The following ALK variants were observed in gnomAD, a reference collection of about 807,000 sequenced individuals.
ALK encodes ALK receptor tyrosine kinase.
A neutral mutation model predicts 163.1 loss-of-function variants in ALK; 74 were observed. The observed-to-expected ratio is 0.45, with a 90% CI of 0.38 to 0.55. The LOEUF (loss-of-function observed/expected upper bound fraction) is 0.55, where lower values mean the gene tolerates loss of function less well. ALK is among the 20% of genes least tolerant of loss of function. The pLI is 0.00. For synonymous variants in ALK, 960 were observed against 843.2 expected (o/e 1.14, Z -2.40); for missense variants, 2,063 against 2,105.3 (o/e 0.98, Z 0.39).
intron 1 of ALK, among the ~76,000 whole-genome samples, chr2:29,897,035 A>G (rs1160238909): frequency 6.6e-6 from 1 of 152,202 alleles, no homozygotes; most frequent in Non-Finnish European, 1.5e-5. Flanking sequence ...AAAAGTTAGC[A>G]GAGGCCAGGC....
chr2:29,493,494 C>T (rs1671952822), intron 4 of ALK, among the ~76,000 whole-genome samples: 1 of 152,172 alleles, frequency 6.6e-6, no homozygotes, highest in African/African-American at 2.4e-5. Context: ...GAGGTCCCTG[C>T]ATCACTGAGA....
intron 1 of ALK, among the ~76,000 whole-genome samples, chr2:29,804,079 C>T (rs1664550851): frequency 6.6e-6 from 1 of 152,214 alleles, no homozygotes; most frequent in African/African-American, 2.4e-5. Context: ...ACCAGGAAAA[C>T]TAAATCTCTT....
At chr2:29,491,363 C>T (rs1217254920) in intron 4 of ALK, among the ~76,000 whole-genome samples, 1 of 152,148 alleles carries the variant, frequency 6.6e-6, no homozygotes, top group Non-Finnish European at 1.5e-5. Context: ...GCGTTGATTG[C>T]ATGAATGAAT....
chr2:29,478,457 G>A (rs1185618702), intron 4 of ALK, among the ~76,000 whole-genome samples: 1 of 152,242 alleles, frequency 6.6e-6, no homozygotes, highest in Non-Finnish European at 1.5e-5. Context: ...TGGAAACAGA[G>A]CCTTGGACAG....
In ALK at chr2:29,652,982, C is replaced by A. The variant is rs139849092; in HGVS notation, c.952+41868G>T. ...AAAGTGGCAATGGTGAGAACCCCAA[C>A]TTGAAGCTGGTCAGGCAGAGGTTCC... On this transcript the variant is annotated intron_variant, in intron 3 of 28. Coordinates refer to ENST00000389048, the MANE Select transcript of ALK (RefSeq NM_004304.5). 5.8e-3 allele frequency among the ~76,000 whole-genome samples: 889 copies of A among 152,276 alleles called. 7 individuals carry two copies. The highest frequency in any genetic ancestry group is 9.1e-3 in the Non-Finnish European group (622 of 68,014).
chr2:29,322,001 T>C (rs1487666862), intron 6 of ALK, among the ~76,000 whole-genome samples: 2 of 152,200 alleles, frequency 1.3e-5, no homozygotes, highest in Non-Finnish European at 1.5e-5. Context: ...TTTCTCCAGC[T>C]CACTCTGAGC....
At chr2:29,604,673 T>G (rs1452490487) in intron 3 of ALK, among the ~76,000 whole-genome samples, 1 of 152,196 alleles carries the variant, frequency 6.6e-6, no homozygotes, top group Admixed American at 6.5e-5. Context: ...GTGCCAAAGT[T>G]GAGTTTGGTT....
chr2:29,810,220 G>C (rs1182335074), intron 1 of ALK, among the ~76,000 whole-genome samples: 1 of 152,034 alleles, frequency 6.6e-6, no homozygotes, highest in Non-Finnish European at 1.5e-5. Flanking sequence ...TCAGGAGCTC[G>C]AGACCAGCCT....
chr2:29,912,110 G>A (rs7602379), intron 1 of ALK, among the ~76,000 whole-genome samples: 65,554 of 152,000 alleles, frequency 0.43, 14,847 homozygotes, highest in East Asian at 0.74. Context: ...AATTAGCAGC[G>A]TCTCAAGAGC....
chr2:29,525,879 A>G (rs1280119678), intron 4 of ALK, among the ~76,000 whole-genome samples: 1 of 151,906 alleles, frequency 6.6e-6, no homozygotes, highest in Non-Finnish European at 1.5e-5. Flanking sequence ...CTAAAGCTTG[A>G]GACCTACTAT....
intron 3 of ALK, among the ~76,000 whole-genome samples, chr2:29,621,686 C>T (rs1178446902): frequency 6.6e-6 from 1 of 152,212 alleles, no homozygotes; most frequent in Admixed American, 6.5e-5. Flanking sequence ...TACTTGCTGG[C>T]CTTCTGATCT....
At chr2:29,225,283 G>T (rs551767053) in intron 19 of ALK, among the ~76,000 whole-genome samples, 178 bp downstream of exon 19, 10 of 152,248 alleles carry the variant, frequency 6.6e-5, no homozygotes, top group East Asian at 1.9e-4. Flanking sequence ...CTGCTCTGGT[G>T]GGGGGAAGGT....
chr2:29,317,416 G>A (rs1666861690), intron 8 of ALK, among the ~76,000 whole-genome samples: 1 of 152,232 alleles, frequency 6.6e-6, no homozygotes, highest in Non-Finnish European at 1.5e-5. Flanking sequence ...CTCTCTTGGA[G>A]CTTACAGTCT....
In ALK at chr2:29,320,768, C is replaced by T. The variant is rs776351932; in HGVS notation, c.1529G>A (p.Arg510Gln). ...QWQVRTLKDA[R>Q]FQDHQDHALL... ...AGTAGTACCTTGGTGGTCCTGGAACCGGGCATCCTTTAGGGTCCTGACCTG... is the reference window on the plus strand; with the variant it reads ...AGTAGTACCTTGGTGGTCCTGGAACTGGGCATCCTTTAGGGTCCTGACCTG... The change falls in exon 7 of 29, where the codon CGG (arginine) becomes CAG (glutamine). Residue 510 changes from arginine to glutamine, a missense_variant. Arg to Gln is a conservative substitution (Grantham distance 43). Coordinates refer to ENST00000389048, the MANE Select transcript of ALK (RefSeq NM_004304.5). 30 of 1,613,770 alleles carry T rather than the reference C, an allele frequency of 1.9e-5. No individual in the cohort carries two copies. Among genetic ancestry groups the T allele is most frequent in the Admixed American group, 6.7e-5 (4 of 59,996 alleles).
rs111768210 is a variant in ALK, at chr2:29,773,233, T to TACACACACAC, written c.668-55546_668-55537dup. ...CTATCAGTAAAATACACAGTAAATG[T>TACACACACAC]ACACACACACACACACACACATTTT... On this transcript the variant is annotated intron_variant, in intron 1 of 28. Coordinates refer to ENST00000389048, the MANE Select transcript of ALK (RefSeq NM_004304.5). Among the ~76,000 whole-genome samples the TACACACACAC allele has an allele frequency of 1.4e-3, 204 of 146,942 alleles. 1 individual carries two copies. The highest frequency in any genetic ancestry group is 3.4e-3 in the Middle Eastern group (1 of 292).
chr2:29,381,435 A>G (rs1013214017), intron 5 of ALK, among the ~76,000 whole-genome samples: 1 of 152,250 alleles, frequency 6.6e-6, no homozygotes, highest in Non-Finnish European at 1.5e-5. Flanking sequence ...TGACACCCAC[A>G]GATAGATATT....
chr2:29,805,923 G>T (rs545829479), intron 1 of ALK, among the ~76,000 whole-genome samples: 190 of 152,266 alleles, frequency 1.2e-3, no homozygotes, highest in African/African-American at 4.1e-3. Flanking sequence ...CTAGGTAGCA[G>T]AGATACCAGC....
chr2:29,920,019 C>T lies in ALK; in HGVS notation c.641G>A (p.Arg214His), dbSNP rs766999851. The change falls in exon 1 of 29, where the codon CGC becomes CAC. Residue 214 changes from arginine (R) to histidine (H), a missense_variant. By Grantham distance (29) the Arg-to-His change is conservative. Coordinates refer to ENST00000389048, the MANE Select transcript of ALK (RefSeq NM_004304.5). Reference sequence around the variant, plus strand: ...AGTCCCGAAGATCTGGAAGAGAAGGCGGGGCTGGGAGGCGCGAATTGCCGC... The same window carrying T: ...AGTCCCGAAGATCTGGAAGAGAAGGTGGGGCTGGGAGGCGCGAATTGCCGC... Reference protein sequence around the residue: ...LSAAIRASQPRLLFQIFGTGH... With the variant: ...LSAAIRASQPHLLFQIFGTGH... The T allele has an allele frequency of 5.6e-6, 9 of 1,613,898 alleles. No individual in the cohort carries two copies. The highest frequency in any genetic ancestry group is 1.3e-5 in the African/African-American group (1 of 74,946).
At chr2:29,650,692 G>T (rs1043037946) in intron 3 of ALK, among the ~76,000 whole-genome samples, 2 of 152,104 alleles carry the variant, frequency 1.3e-5, no homozygotes, top group Non-Finnish European at 2.9e-5. Flanking sequence ...TCCAGTGACA[G>T]TAACCATACC....
Sources: allele counts gnomAD v4.1 joint callset (sites outside exome capture counted in the v4.1 genomes callset), GRCh38; gene constraint gnomAD v4.1.1; transcripts MANE v1.5; gene names NCBI Gene and HGNC (gene_info 2026-07-23, HGNC 2026-07-21).